Variants in KIF17 observed in about 807,000 individuals in gnomAD.
The protein encoded by KIF17 is kinesin family member 17.
In KIF17, 80 loss-of-function variants were observed where a neutral mutation model predicts 96.8. The ratio of observed to expected loss-of-function variants is 0.83; its 90% CI spans 0.69 to 1.00. The LOEUF (loss-of-function observed/expected upper bound fraction) is 1.00, where lower values mean the gene tolerates loss of function less well. KIF17 is among the 50% of genes least tolerant of loss of function. The pLI is 0.00. For missense variants in KIF17, 1,280 were observed against 1,372.9 expected (o/e 0.93, Z 1.07); for synonymous variants, 567 against 587.5 (o/e 0.97, Z 0.51).
In KIF17 at chr1:20,685,211, A is replaced by G. The variant is rs1477674640; in HGVS notation, c.2020-191T>C. 2.9e-6 allele frequency: 2 copies of G among 700,932 alleles called. No homozygotes were observed. Among genetic ancestry groups the G allele is most frequent in the Admixed American group, 2.0e-5 (1 of 49,744 alleles). 43.4% of individuals were successfully genotyped at this position (700,932 alleles called of 1,614,324 possible). On this transcript the variant is annotated intron_variant, in intron 9 of 14. Coordinates refer to ENST00000400463, the MANE Select transcript of KIF17 (RefSeq NM_001122819.3). The surrounding 1 kb of genome is among the most constrained non-coding windows in gnomAD (Gnocchi z 4.1). ...TCTTACTGCCGCTATTCCCACTGAC[A>G]CCCCCACGCTAGGAGGAAGGCTCCC...
At chr1:20,667,619 C>T (rs2053551371) in intron 13 of KIF17, among the ~76,000 whole-genome samples, 1 of 152,194 alleles carries the variant, frequency 6.6e-6, no homozygotes, top group African/African-American at 2.4e-5. Context: ...CAGACCAGGC[C>T]TCTCTTCCTT....
intron 6 of KIF17, among the ~76,000 whole-genome samples, chr1:20,694,643 A>AG (rs1188967525): frequency 6.6e-6 from 1 of 152,244 alleles, no homozygotes; most frequent in Non-Finnish European, 1.5e-5. Flanking sequence ...TGGCATGGAC[A>AG]GCACTGATTT....
In KIF17 at chr1:20,702,021, C is replaced by T. The variant is rs535465003; in HGVS notation, c.1123+2426G>A. Among the ~76,000 whole-genome samples the T allele has an allele frequency of 2.0e-5, 3 of 152,338 alleles. No homozygotes were observed. The South Asian group carries it at 6.2e-4, about 32-fold the overall frequency. On this transcript the variant is annotated intron_variant, in intron 5 of 14. Coordinates refer to ENST00000400463, the MANE Select transcript of KIF17 (RefSeq NM_001122819.3). ...GAGCTTTGGGTCAGGCACGCCTGGT[C>T]TGAAGGCCCAGCTCCAAAGTGAAGG...
At chr1:20,691,833 C>T (rs956742773) in intron 6 of KIF17, among the ~76,000 whole-genome samples, 1 of 152,208 alleles carries the variant, frequency 6.6e-6, no homozygotes, top group African/African-American at 2.4e-5. Flanking sequence ...TTTATCCACA[C>T]AGCAATATAT....
At chr1:20,668,343 C>A (rs1289638586) in intron 13 of KIF17, among the ~76,000 whole-genome samples, 1 of 152,098 alleles carries the variant, frequency 6.6e-6, no homozygotes, top group Non-Finnish European at 1.5e-5. Context: ...CAGACACAGA[C>A]CCTGACTGTT....
Position 20,715,252 on chromosome 1 carries a change from G to T in KIF17, c.378+241C>A, listed in dbSNP as rs563977681. Among the ~76,000 whole-genome samples the T allele has an allele frequency of 5.6e-4, 86 of 152,358 alleles. 1 individual carries two copies. Among genetic ancestry groups the T allele is most frequent in the African/African-American group, 2.0e-3 (82 of 41,580 alleles). On this transcript the variant is annotated intron_variant, in intron 2 of 14. Coordinates refer to ENST00000400463, the MANE Select transcript of KIF17 (RefSeq NM_001122819.3). ...CCTGGCCCAGTGCACAGGGTCAGCA[G>T]ATCCATGGGAAATGCTCAACTAAGG...
rs528244456 is a variant in KIF17 at position 20,695,513 on chromosome 1, C to T, written c.1233+2866G>A. On this transcript the variant is annotated intron_variant, in intron 6 of 14. Coordinates refer to ENST00000400463, the MANE Select transcript of KIF17 (RefSeq NM_001122819.3). ...CCCATTCTCACTTTTAAACATGGGA[C>T]CTGAATCTCAGGCAGGCGGGTTTCG... 9.2e-5 allele frequency among the ~76,000 whole-genome samples: 14 copies of T among 152,266 alleles called. No homozygotes were observed. In the South Asian group the frequency reaches 2.9e-3, roughly 32 times the overall value.
At chr1:20,686,352 T>C in intron 8 of KIF17, 1 of 597,406 alleles carries the variant, frequency 1.7e-6, no homozygotes. Flanking sequence ...ACCTGCTGTG[T>C]GCCAGGAGCG....
chr1:20,712,604 CTATA>C (rs373991865), intron 3 of KIF17, among the ~76,000 whole-genome samples: 212 of 20,006 alleles, frequency 0.011, 66 homozygotes, highest in Non-Finnish European at 0.018. Context: ...CTATATATAT[CTATA>C]TATATATAAT....
intron 6 of KIF17, 33 bp downstream of exon 6, chr1:20,698,346 C>T: frequency 6.6e-7 from 1 of 1,510,400 alleles, no homozygotes; most frequent in Non-Finnish European, 9.2e-7. Flanking sequence ...CCTGCCTGTC[C>T]CTTCTCCATG....
At chr1:20,714,235 G>A (rs2054536327) in intron 2 of KIF17, among the ~76,000 whole-genome samples, 1 of 152,180 alleles carries the variant, frequency 6.6e-6, no homozygotes, top group Non-Finnish European at 1.5e-5. Flanking sequence ...GCTGAGGCAG[G>A]AGAATGGCGT....
intron 4 of KIF17, among the ~76,000 whole-genome samples, chr1:20,705,442 G>T (rs1239421935): frequency 6.6e-6 from 1 of 152,124 alleles, no homozygotes; most frequent in Non-Finnish European, 1.5e-5. Context: ...ACTACCCATG[G>T]TTCCCCATTA....
At chr1:20,688,864 G>A (rs1314552085) in intron 7 of KIF17, among the ~76,000 whole-genome samples, 2 of 152,154 alleles carry the variant, frequency 1.3e-5, no homozygotes, top group Admixed American at 1.3e-4. Context: ...CCTTCCCCTG[G>A]GTCTCCTCCA....
Position 20,687,419 on chromosome 1 carries a change from G to A in KIF17, c.1907C>T (p.Pro636Leu). ...LSSTVARTDA[P>L]QADVPKVPVQ... ...AGGGACCTTGGGGACGTCTGCCTGG[G>A]GTGCATCTGTCCTGGCCACGGTGGA... Residue 636 changes from proline to leucine, a missense_variant, in exon 8 of 15, where the codon CCC becomes CTC. Physicochemically the swap from Pro to Leu is moderately conservative, Grantham distance 98. Transcript: ENST00000400463. The surrounding 1 kb of genome is among the most constrained non-coding windows in gnomAD (Gnocchi z 4.4). 6.2e-7 allele frequency: 1 copy of A among 1,613,704 alleles called. No homozygotes were observed. The highest frequency in any genetic ancestry group is 8.5e-7 in the Non-Finnish European group (1 of 1,180,034).
chr1:20,663,506 C>T (rs529589802), downstream of KIF17, among the ~76,000 whole-genome samples: 10 of 152,294 alleles, frequency 6.6e-5, no homozygotes, highest in Admixed American at 5.9e-4. Context: ...GTGAGGTGGG[C>T]GTTATCCCCA....
At position 20,682,712 on chromosome 1, in the gene KIF17, C is replaced by T. The variant is rs150132550; in HGVS notation, c.2404G>A (p.Asp802Asn). 2.3e-5 allele frequency: 37 copies of T among 1,613,766 alleles called. No homozygotes were observed. Among genetic ancestry groups the T allele is most frequent in the East Asian group, 1.1e-4 (5 of 44,904 alleles). ...GCCCGCACTTCCTCCTGGATGGAGT[C>T]GTAGACGTTAAGCAGCACCCAGTCC... ...SGDWVLLNVY[D>N]SIQEEVRAKS... Residue 802 changes from aspartate (D) to asparagine (N), a missense_variant, in exon 11 of 15, where the codon GAC becomes AAC. By Grantham distance (23) the Asp-to-Asn change is conservative. Coordinates refer to ENST00000400463, the MANE Select transcript of KIF17 (RefSeq NM_001122819.3).
At chr1:20,717,453 G>A in intron 1 of KIF17, 23 bp downstream of exon 1, 1 of 1,608,732 alleles carries the variant, frequency 6.2e-7, no homozygotes, top group Admixed American at 1.7e-5. Context: ...CCGCCTGCAG[G>A]GCGGCCTGCC....
At chr1:20,668,799 T>C (rs2053580251) in intron 13 of KIF17, among the ~76,000 whole-genome samples, 1 of 152,242 alleles carries the variant, frequency 6.6e-6, no homozygotes, top group South Asian at 2.1e-4. Context: ...GTATTACCTG[T>C]GGCTGTTTTT....
At chr1:20,679,818 GC>G (rs1454444441) in intron 11 of KIF17, among the ~76,000 whole-genome samples, 2 of 152,208 alleles carry the variant, frequency 1.3e-5, no homozygotes, top group Non-Finnish European at 2.9e-5. Flanking sequence ...AAGAAGTCCA[GC>G]CCTGCTAACA....
Sources: allele counts gnomAD v4.1 joint callset (sites outside exome capture counted in the v4.1 genomes callset), GRCh38; gene constraint gnomAD v4.1.1; non-coding constraint Gnocchi (gnomAD v3.1); transcripts MANE v1.5; gene names NCBI Gene and HGNC (gene_info 2026-07-23, HGNC 2026-07-21).